The following CRY1 variants were observed in gnomAD, a reference collection of about 807,000 sequenced individuals.
The protein encoded by CRY1 is cryptochrome circadian regulator 1.
CRY1 carries 45 observed loss-of-function variants against 76.0 expected under a neutral mutation model. That is an observed-to-expected ratio of 0.59 (90% CI 0.47 to 0.76). The LOEUF (loss-of-function observed/expected upper bound fraction) is 0.76, where lower values mean the gene tolerates loss of function less well. Ranked by LOEUF, CRY1 falls within the 30% of genes least tolerant of loss-of-function variation. The pLI, the probability that CRY1 is intolerant of heterozygous loss-of-function variation, is 0.00. For missense variants in CRY1, 587 were observed against 716.4 expected (o/e 0.82, Z 2.06); for synonymous variants, 248 against 244.0 (o/e 1.02, Z -0.15).
Position 107,027,177 on chromosome 12 carries a change from T to C in CRY1, c.159-4985A>G, listed in dbSNP as rs191561325. Among the ~76,000 whole-genome samples, 245 of 152,256 alleles carry C rather than the reference T, an allele frequency of 1.6e-3. 3 individuals are homozygous for C. The highest frequency in any genetic ancestry group is 1.2e-4 in the Non-Finnish European group (8 of 68,010). On this transcript the variant is annotated intron_variant, in intron 1 of 12. Coordinates refer to ENST00000008527, the MANE Select transcript of CRY1 (RefSeq NM_004075.5). ...CCTTTACCCTTAACTGGGAAAGGATTAGATCTGTTAGAGTTCAGATTCAGT... is the reference window on the plus strand; with the variant it reads ...CCTTTACCCTTAACTGGGAAAGGATCAGATCTGTTAGAGTTCAGATTCAGT...
chr12:107,026,910 A>G (rs1051494857), intron 1 of CRY1, among the ~76,000 whole-genome samples: 4 of 152,076 alleles, frequency 2.6e-5, no homozygotes, highest in African/African-American at 4.8e-5. Context: ...CTTCATCTGA[A>G]TGTGACTTTG....
chr12:107,061,789 A>C (rs1401980268), intron 1 of CRY1, among the ~76,000 whole-genome samples: 1 of 152,164 alleles, frequency 6.6e-6, no homozygotes, highest in Non-Finnish European at 1.5e-5. Context: ...GCATATCATT[A>C]ATTTCTTTCT....
chr12:107,007,312 G>A (rs976555274), intron 2 of CRY1, among the ~76,000 whole-genome samples: 1 of 152,156 alleles, frequency 6.6e-6, no homozygotes, highest in Non-Finnish European at 1.5e-5. Flanking sequence ...AACTCTCCAT[G>A]CCTGTTTCCT....
chr12:107,067,420 T>G (rs1171028429), intron 1 of CRY1, among the ~76,000 whole-genome samples: 2 of 152,124 alleles, frequency 1.3e-5, no homozygotes, highest in African/African-American at 4.8e-5. Context: ...TCTCACAGAC[T>G]CCCTTTTATC....
At chr12:107,013,525 C>CAATATTTACTTTATTGT (rs1266428240) in intron 2 of CRY1, among the ~76,000 whole-genome samples, 1 of 152,120 alleles carries the variant, frequency 6.6e-6, no homozygotes. Flanking sequence ...TGCTTTATTG[C>CAATATTTACTTTATTGT]AATATTTACT....
At chr12:107,043,773 T>C (rs956940433) in intron 1 of CRY1, among the ~76,000 whole-genome samples, 2 of 152,110 alleles carry the variant, frequency 1.3e-5, no homozygotes, top group African/African-American at 4.8e-5. Context: ...TGCCACTACA[T>C]CTGGCCTCCC....
At position 107,084,909 on chromosome 12, in the gene CRY1, T is replaced by C. The variant is rs370025133; in HGVS notation, c.158+7895A>G. Among the ~76,000 whole-genome samples, 88 of 152,070 alleles carry C rather than the reference T, an allele frequency of 5.8e-4. No homozygotes were observed. The East Asian group carries it at 0.014, about 23-fold the overall frequency. On this transcript the variant is annotated intron_variant, in intron 1 of 12. Transcript: ENST00000008527. ...CAACCTATAGAATGGGAGAAAATTT[T>C]TGCAATCTATCCATCTGACAAAGGT...
intron 1 of CRY1, among the ~76,000 whole-genome samples, chr12:107,075,095 CT>C (rs2136895827): frequency 6.6e-6 from 1 of 152,192 alleles, no homozygotes; most frequent in East Asian, 1.9e-4. Flanking sequence ...AACCAAATGC[CT>C]TCTATACCCT....
rs1374462960 is a variant in CRY1, at chr12:106,997,391, A to G, written c.1493-5T>C. On this transcript the variant is annotated splice_region_variant and splice_polypyrimidine_tract_variant and intron_variant, in intron 9 of 12. Coordinates refer to ENST00000008527, the MANE Select transcript of CRY1 (RefSeq NM_004075.5). ...AAGGTACTGATGCCAGAAGACCTAA[A>G]GGACAAAAAAATTTTCTTTTAAATT... 3.1e-6 allele frequency: 5 copies of G among 1,613,334 alleles called. No individual in the cohort carries two copies. Among genetic ancestry groups the G allele is most frequent in the Non-Finnish European group, 4.2e-6 (5 of 1,179,738 alleles).
At chr12:107,033,088 A>G (rs1230790226) in intron 1 of CRY1, among the ~76,000 whole-genome samples, 1 of 152,172 alleles carries the variant, frequency 6.6e-6, no homozygotes, top group African/African-American at 2.4e-5. Flanking sequence ...ATAATCTTAG[A>G]TACTGCAGGG....
Position 107,000,772 on chromosome 12 carries a change from C to T in CRY1, c.684+508G>A, listed in dbSNP as rs1952299147. Among the ~76,000 whole-genome samples, 6 of 152,012 alleles carry T rather than the reference C, an allele frequency of 3.9e-5. 1 individual carries two copies. The highest frequency in any genetic ancestry group is 3.3e-4 in the Admixed American group (5 of 15,258). The stretch of plus-strand genomic sequence containing the variant: ...TCAAACAATTCTCATGCCTCAGCAT[C>T]CCAAGTAGCTGGAATTAAAGGCACA... On this transcript the variant is annotated intron_variant, in intron 5 of 12. Transcript: ENST00000008527.
intron 1 of CRY1, among the ~76,000 whole-genome samples, chr12:107,051,959 C>T (rs1467624791): frequency 1.5e-5 from 2 of 133,840 alleles, no homozygotes; most frequent in African/African-American, 2.7e-5. Context: ...CAAATTAGAA[C>T]TATATATAAT....
chr12:107,058,065 AAAAC>A (rs1204332351), intron 1 of CRY1, among the ~76,000 whole-genome samples: 1 of 152,174 alleles, frequency 6.6e-6, no homozygotes, highest in African/African-American at 2.4e-5. Flanking sequence ...CAAAAATAAA[AAAAC>A]AAACAAATAT....
chr12:107,023,508 G>A (rs1309887899), intron 1 of CRY1, among the ~76,000 whole-genome samples: 1 of 152,050 alleles, frequency 6.6e-6, no homozygotes, highest in African/African-American at 2.4e-5. Flanking sequence ...CATTTTGTTC[G>A]CTTTACACAT....
At chr12:107,038,235 T>A (rs1051650964) in intron 1 of CRY1, among the ~76,000 whole-genome samples, 1 of 151,670 alleles carries the variant, frequency 6.6e-6, no homozygotes, top group Non-Finnish European at 1.5e-5. Context: ...AAGTCTGGAG[T>A]TCATGGTAGA....
At chr12:107,089,185 T>C (rs1240094131) in intron 1 of CRY1, among the ~76,000 whole-genome samples, 2 of 152,246 alleles carry the variant, frequency 1.3e-5, no homozygotes, top group South Asian at 2.1e-4. Context: ...TTGGCTATTA[T>C]GAATAATGCT....
chr12:107,034,025 C>T (rs1378492914), intron 1 of CRY1, among the ~76,000 whole-genome samples: 2 of 151,540 alleles, frequency 1.3e-5, no homozygotes, highest in Admixed American at 1.3e-4. Context: ...GCAGTACTTC[C>T]AGGAAGTTAG....
At chr12:107,079,399 A>G (rs1379015841) in intron 1 of CRY1, among the ~76,000 whole-genome samples, 1 of 150,448 alleles carries the variant, frequency 6.6e-6, no homozygotes, top group East Asian at 2.0e-4. Flanking sequence ...AAGTTCAGAG[A>G]TGCAAAGAGA....
chr12:107,019,756 C>T (rs984053987), intron 2 of CRY1, among the ~76,000 whole-genome samples: 1 of 151,550 alleles, frequency 6.6e-6, no homozygotes, highest in Non-Finnish European at 1.5e-5. Context: ...AGCAAGACTA[C>T]CAAACAAAAA....
Sources: allele counts gnomAD v4.1 joint callset (sites outside exome capture counted in the v4.1 genomes callset), GRCh38; gene constraint gnomAD v4.1.1; transcripts MANE v1.5; gene names NCBI Gene and HGNC (gene_info 2026-07-23, HGNC 2026-07-21).